Variants in LINGO2 observed in about 807,000 individuals in gnomAD.
LINGO2 encodes the protein leucine rich repeat and Ig domain containing 2.
LINGO2 carries 14 observed loss-of-function variants against 30.6 expected under a neutral mutation model. The ratio of observed to expected loss-of-function variants is 0.46; its 90% CI spans 0.30 to 0.72. The LOEUF is 0.72. LINGO2 is among the 30% of genes least tolerant of loss of function. The probability of loss-of-function intolerance (pLI) is 0.07; values close to 1 mark genes in which losing one functional copy is unlikely to be tolerated. For synonymous variants in LINGO2, 317 were observed against 288.5 expected, an observed-to-expected ratio of 1.10 and a Z score of -1.00; for missense variants, 729 against 751.7, an observed-to-expected ratio of 0.97 and a Z score of 0.35.
In LINGO2 at chr9:28,372,019, CT is replaced by C. The variant is rs1820921960; in HGVS notation, c.-246+816del. On this transcript the variant is annotated intron_variant, in intron 3 of 5. Transcript: ENST00000379992. ...AAGAGAGGAAATTAGATGACAGGAC[CT>C]TGCACACAATATGTAACTAGGATTC... Among the ~76,000 whole-genome samples the C allele has an allele frequency of 3.3e-5, 5 of 151,998 alleles. No individual in the cohort carries two copies. In the South Asian group the frequency reaches 1.0e-3, roughly 32 times the overall value.
chr9:28,264,609 C>T (rs917078049), intron 4 of LINGO2, among the ~76,000 whole-genome samples: 1 of 151,814 alleles, frequency 6.6e-6, no homozygotes, highest in Admixed American at 6.6e-5. Flanking sequence ...TGAAGTTAGG[C>T]AACAGGGCAT....
At chr9:28,961,523 C>G in the LINGO2 span, among the ~76,000 whole-genome samples, 1 of 152,112 alleles carries the variant, frequency 6.6e-6, no homozygotes, top group Non-Finnish European at 1.5e-5. Flanking sequence ...TGCACTTAAA[C>G]TACAATTTAT....
At chr9:28,312,540 C>A (rs1419661396) in intron 3 of LINGO2, among the ~76,000 whole-genome samples, 1 of 152,102 alleles carries the variant, frequency 6.6e-6, no homozygotes, top group East Asian at 1.9e-4. Flanking sequence ...TCATAAATAT[C>A]AACATGCAGA....
intron 4 of LINGO2, among the ~76,000 whole-genome samples, chr9:28,212,598 T>C (rs1162570980): frequency 1.3e-5 from 2 of 151,504 alleles, no homozygotes; most frequent in African/African-American, 4.8e-5. Flanking sequence ...ATACTGAATG[T>C]TGATTTTAAT....
At chr9:27,967,539 A>G (rs1820156940) in intron 5 of LINGO2, among the ~76,000 whole-genome samples, 5 of 152,126 alleles carry the variant, frequency 3.3e-5, no homozygotes, top group Admixed American at 3.3e-4. Context: ...AAATAAATAT[A>G]AATTGATATT....
the LINGO2 span, among the ~76,000 whole-genome samples, chr9:29,135,072 T>G: frequency 6.6e-6 from 1 of 152,170 alleles, no homozygotes; most frequent in Non-Finnish European, 1.5e-5. Flanking sequence ...ATAAGCATAT[T>G]GTTCTATTGG....
At chr9:27,986,689 G>A (rs141564732) in intron 5 of LINGO2, among the ~76,000 whole-genome samples, 51 of 151,918 alleles carry the variant, frequency 3.4e-4, no homozygotes, top group Admixed American at 1.4e-3. Flanking sequence ...GAAAGTGCTC[G>A]TCCCTCCTTG....
intron 1 of LINGO2, among the ~76,000 whole-genome samples, chr9:28,550,985 T>C (rs932913551): frequency 6.6e-6 from 1 of 151,856 alleles, no homozygotes; most frequent in Non-Finnish European, 1.5e-5. Flanking sequence ...AGATCCAGCA[T>C]GAATACAAAT....
chr9:28,848,358 ATATAT>A, the LINGO2 span, among the ~76,000 whole-genome samples: 8 of 104,296 alleles, frequency 7.7e-5, no homozygotes, highest in African/African-American at 2.1e-4. Flanking sequence ...ATATATACAC[ATATAT>A]TGTGTGTGTG....
chr9:28,435,806 G>A (rs1160720297), intron 2 of LINGO2, among the ~76,000 whole-genome samples: 1 of 152,146 alleles, frequency 6.6e-6, no homozygotes, highest in African/African-American at 2.4e-5. Flanking sequence ...AGCAATTGGG[G>A]TCAATGGAGA....
In LINGO2 at chr9:28,512,591, GTGTATATATATATA is replaced by G. The variant is rs1393865196; in HGVS notation, c.-364-36580_-364-36567del. Among the ~76,000 whole-genome samples, 10 of 15,832 alleles carry G rather than the reference GTGTATATATATATA, an allele frequency of 6.3e-4. 1 individual carries two copies. The highest frequency in any genetic ancestry group is 3.4e-3 in the East Asian group (1 of 290). The allele number at this position is 15,832 out of a possible 152,430, so 10.4% of individuals were successfully genotyped here. A position where few individuals can be genotyped will look rare whatever the true frequency, so the allele number is the denominator to read the frequency against. On this transcript the variant is annotated intron_variant, in intron 1 of 5. Coordinates refer to ENST00000379992, the Ensembl canonical transcript of LINGO2. ...GACAGAACTAACAGGATATATATGT[GTGTATATATATATA>G]TATATATATATATATATATATATAT...
the LINGO2 span, among the ~76,000 whole-genome samples, chr9:28,891,266 C>T: frequency 3.3e-5 from 5 of 151,882 alleles, no homozygotes; most frequent in Admixed American, 6.6e-5. Context: ...ATGTGTGCCT[C>T]ACATTATATT....
the LINGO2 span, among the ~76,000 whole-genome samples, chr9:28,689,013 G>T: frequency 6.6e-6 from 1 of 152,136 alleles, no homozygotes; most frequent in Non-Finnish European, 1.5e-5. Context: ...GTGAGTATGT[G>T]ATTTATATCT....
rs117858620 is a variant in LINGO2, at chr9:28,396,309, G to A, written c.-278-23441C>T. 4.9e-3 allele frequency among the ~76,000 whole-genome samples: 748 copies of A among 152,024 alleles called. 26 individuals are homozygous for A. The East Asian group carries it at 0.092, about 19-fold the overall frequency. On this transcript the variant is annotated intron_variant, in intron 2 of 5. Transcript: ENST00000379992. ...CCAAGTAAGGAAACAGAGATATATG[G>A]GACTATTTTAGAGAGTCTAGTCAGA...
At chr9:28,378,582 C>T (rs1821219740) in intron 2 of LINGO2, among the ~76,000 whole-genome samples, 3 of 152,154 alleles carry the variant, frequency 2.0e-5, no homozygotes, top group Admixed American at 2.0e-4. Flanking sequence ...CTCTACTAGA[C>T]CATTGCTCCC....
the LINGO2 span, among the ~76,000 whole-genome samples, chr9:29,141,346 A>C: frequency 6.6e-6 from 1 of 152,092 alleles, no homozygotes; most frequent in South Asian, 2.1e-4. Flanking sequence ...TTATCAGCTT[A>C]AAAGAGTTAT....
At chr9:29,038,721 CT>C in the LINGO2 span, among the ~76,000 whole-genome samples, 40 of 148,978 alleles carry the variant, frequency 2.7e-4, no homozygotes, top group African/African-American at 9.4e-4. Flanking sequence ...TGCATTTGGT[CT>C]TTAGGATTAA....
the LINGO2 span, among the ~76,000 whole-genome samples, chr9:28,809,146 T>A: frequency 6.6e-6 from 1 of 152,184 alleles, no homozygotes; most frequent in Non-Finnish European, 1.5e-5. Context: ...AAGACGTTGG[T>A]CCATGGAATA....
At chr9:28,103,823 T>C (rs1359655654) in intron 4 of LINGO2, among the ~76,000 whole-genome samples, 2 of 152,224 alleles carry the variant, frequency 1.3e-5, no homozygotes, top group Admixed American at 1.3e-4. Context: ...TCTGCCATTT[T>C]AACTCTTTTG....
Sources: allele counts gnomAD v4.1 joint callset (sites outside exome capture counted in the v4.1 genomes callset), GRCh38; gene constraint gnomAD v4.1.1; transcripts MANE v1.5; gene names NCBI Gene and HGNC (gene_info 2026-07-23, HGNC 2026-07-21).